Variants in ENTREP2 observed in about 807,000 individuals in gnomAD.
ENTREP2 encodes endosomal transmembrane epsin interactor 2, also known as protein ENTREP2.
At chr15:29,514,965 C>G in the ENTREP2 span, among the ~76,000 whole-genome samples, 2 of 152,164 alleles carry the variant, frequency 1.3e-5, no homozygotes, top group Non-Finnish European at 2.9e-5. Flanking sequence ...CTCCCAAGGG[C>G]CCCCCTGTCC....
At chr15:29,327,781 T>C in the ENTREP2 span, among the ~76,000 whole-genome samples, 4 of 152,190 alleles carry the variant, frequency 2.6e-5, no homozygotes, top group Non-Finnish European at 4.4e-5. Context: ...ACAGTATTTG[T>C]TGTCAGTTGC....
the ENTREP2 span, among the ~76,000 whole-genome samples, chr15:29,488,507 AAAT>A: frequency 4.6e-5 from 7 of 152,324 alleles, no homozygotes; most frequent in South Asian, 6.2e-4. Flanking sequence ...ATATTTGGAG[AAAT>A]AATTGCCAAA....
the ENTREP2 span, among the ~76,000 whole-genome samples, chr15:29,275,910 G>A: frequency 6.6e-6 from 1 of 152,172 alleles, no homozygotes; most frequent in Admixed American, 6.5e-5. Context: ...GTGGGCCAAT[G>A]TGCAGCATGT....
the ENTREP2 span, among the ~76,000 whole-genome samples, chr15:29,336,484 T>C: frequency 6.6e-6 from 1 of 151,778 alleles, no homozygotes; most frequent in African/African-American, 2.4e-5. Context: ...CTAAATTTTA[T>C]TTTTTTAGTA....
the ENTREP2 span, among the ~76,000 whole-genome samples, chr15:29,175,766 G>A: frequency 1.3e-5 from 2 of 152,168 alleles, no homozygotes; most frequent in African/African-American, 2.4e-5. Context: ...CACCATGCCC[G>A]GCTAATTTCT....
the ENTREP2 span, among the ~76,000 whole-genome samples, chr15:29,371,925 T>C: frequency 1.1e-3 from 116 of 103,170 alleles, no homozygotes; most frequent in African/African-American, 4.0e-3. Context: ...GATAGATAGA[T>C]AGATAGATAG....
At chr15:29,300,190 G>A in the ENTREP2 span, among the ~76,000 whole-genome samples, 2 of 146,358 alleles carry the variant, frequency 1.4e-5, no homozygotes, top group East Asian at 2.0e-4. Context: ...ATGGATGGAT[G>A]GGTAGGTAGG....
chr15:29,281,857 T>G, the ENTREP2 span, among the ~76,000 whole-genome samples: 1 of 152,308 alleles, frequency 6.6e-6, no homozygotes, highest in Middle Eastern at 3.4e-3. Context: ...CTCTGAGATC[T>G]ATAGACATTT....
the ENTREP2 span, among the ~76,000 whole-genome samples, chr15:29,594,616 T>G: frequency 6.6e-6 from 1 of 152,174 alleles, no homozygotes; most frequent in African/African-American, 2.4e-5. Context: ...AGTGAATGAC[T>G]GAAAGGGCTT....
At chr15:29,655,156 C>T in the ENTREP2 span, among the ~76,000 whole-genome samples, 22,453 of 152,082 alleles carry the variant, frequency 0.15, 3,253 homozygotes, top group African/African-American at 0.38. Context: ...GATGATGGCC[C>T]CAATTCTTCA....
At chr15:29,369,282 C>A in the ENTREP2 span, among the ~76,000 whole-genome samples, 1 of 152,090 alleles carries the variant, frequency 6.6e-6, no homozygotes, top group East Asian at 1.9e-4. Context: ...CTAGACATAT[C>A]ATAAACAAAC....
the ENTREP2 span, among the ~76,000 whole-genome samples, chr15:29,247,535 A>T: frequency 6.6e-6 from 1 of 152,208 alleles, no homozygotes; most frequent in Non-Finnish European, 1.5e-5. Context: ...ATATGAATAA[A>T]CAGACATATG....
the ENTREP2 span, chr15:29,151,716 G>A: frequency 5.2e-6 from 8 of 1,536,830 alleles, no homozygotes; most frequent in South Asian, 9.5e-5. Context: ...CAGAGGAGGA[G>A]GGGATCAGGC....
the ENTREP2 span, among the ~76,000 whole-genome samples, chr15:29,649,778 A>G: frequency 6.6e-6 from 1 of 151,996 alleles, no homozygotes; most frequent in East Asian, 1.9e-4. Context: ...AGAAAAGAAA[A>G]TAGAAATGCT....
At chr15:29,530,125 G>A in the ENTREP2 span, among the ~76,000 whole-genome samples, 1 of 152,112 alleles carries the variant, frequency 6.6e-6, no homozygotes, top group Non-Finnish European at 1.5e-5. Flanking sequence ...TGTACGGAAG[G>A]CGCCTAGGTG....
the ENTREP2 span, among the ~76,000 whole-genome samples, chr15:29,484,696 C>A: frequency 1.3e-5 from 2 of 152,184 alleles, no homozygotes; most frequent in Admixed American, 6.5e-5. Context: ...AGATGCTATT[C>A]TATTCATTTA....
chr15:29,223,293 C>T, the ENTREP2 span, among the ~76,000 whole-genome samples: 1 of 152,178 alleles, frequency 6.6e-6, no homozygotes, highest in African/African-American at 2.4e-5. Flanking sequence ...GCAGCCGCTC[C>T]CTCCAGACAA....
the ENTREP2 span, among the ~76,000 whole-genome samples, chr15:29,555,634 T>C: frequency 0.41 from 62,172 of 152,014 alleles, 13,491 homozygotes; most frequent in African/African-American, 0.57. Context: ...GAGCTGGCTA[T>C]TTGCATATTC....
At chr15:29,541,646 G>C in the ENTREP2 span, among the ~76,000 whole-genome samples, 2 of 152,306 alleles carry the variant, frequency 1.3e-5, no homozygotes, top group African/African-American at 4.8e-5. Context: ...TAGAAAAAAG[G>C]AATGAGAAGT....
Sources: allele counts gnomAD v4.1 joint callset (sites outside exome capture counted in the v4.1 genomes callset), GRCh38; gene constraint gnomAD v4.1.1; transcripts MANE v1.5; gene names NCBI Gene and HGNC (gene_info 2026-07-23, HGNC 2026-07-21).